The following PSIP1 variants were observed in gnomAD, a reference collection of about 807,000 sequenced individuals.
The protein encoded by PSIP1 is PC4 and SRSF1 interacting protein 1, also known as PC4 and SFRS1-interacting protein.
In PSIP1, 19 loss-of-function variants were observed where a neutral mutation model predicts 74.7. The observed-to-expected ratio is 0.25, with a 90% CI of 0.18 to 0.37. The LOEUF (loss-of-function observed/expected upper bound fraction) is 0.37, where lower values mean the gene tolerates loss of function less well. Ranked by LOEUF, PSIP1 falls within the 10% of genes least tolerant of loss-of-function variation. PSIP1 has a pLI of 1.00. For synonymous variants in PSIP1, 222 were observed against 195.3 expected, an observed-to-expected ratio of 1.14 and a Z score of -1.14; for missense variants, 601 against 614.3, an observed-to-expected ratio of 0.98 and a Z score of 0.23.
rs756615693 is a variant in PSIP1 at position 15,486,056 on chromosome 9, C to T, written c.406G>A (p.Ala136Thr). The T allele has an allele frequency of 6.2e-7, 1 of 1,605,890 alleles. No homozygotes were observed. Among genetic ancestry groups the T allele is most frequent in the Non-Finnish European group, 8.5e-7 (1 of 1,174,640 alleles). The change falls in exon 6 of 16, where the codon GCA becomes ACA. Residue 136 changes from alanine to threonine, a missense_variant. By Grantham distance (58) the Ala-to-Thr change is moderately conservative. Around this residue, in one of 2 missense-constraint regions of PSIP1, gnomAD observed 538 missense variants for 507.6 expected, o/e 1.06. Transcript: ENST00000380733. ...GCTTTTGGAGTAGTTATGTCAACTG[C>T]TTTAGTCACATCCTAAAAAAGAAAA... ...EKASNEDVTK[A>T]VDITTPKAAR...
intron 14 of PSIP1, among the ~76,000 whole-genome samples, chr9:15,467,253 T>C (rs1427787437): frequency 1.3e-5 from 2 of 152,218 alleles, no homozygotes; most frequent in Non-Finnish European, 2.9e-5. Context: ...ATTTTAAAAT[T>C]TACTATTTTA....
Position 15,482,352 on chromosome 9 carries a change from T to G in PSIP1, c.457-2665A>C, listed in dbSNP as rs112359564. Among the ~76,000 whole-genome samples, 17 of 152,292 alleles carry G rather than the reference T, an allele frequency of 1.1e-4. 2 individuals carry two copies. The highest frequency in any genetic ancestry group is 9.6e-4 in the East Asian group (5 of 5,182). On this transcript the variant is annotated intron_variant, in intron 6 of 15. Coordinates refer to ENST00000380733, the MANE Select transcript of PSIP1 (RefSeq NM_033222.5). ...TCTCAGTTGAGATCTCAAAGTCACT[T>G]TACCCTATCTGATCAGGCCTCCTCC...
intron 10 of PSIP1, chr9:15,472,362 T>C: frequency 1.6e-6 from 2 of 1,239,398 alleles, no homozygotes; most frequent in East Asian, 4.2e-5. Context: ...GTACACTTCT[T>C]GCAAAGCCAG....
intron 14 of PSIP1, among the ~76,000 whole-genome samples, chr9:15,467,180 T>C (rs2035675920): frequency 6.6e-6 from 1 of 152,216 alleles, no homozygotes. Context: ...CCAGGAATAC[T>C]ACAGGGTGTT....
chr9:15,477,031 G>A (rs1464505079), intron 8 of PSIP1, among the ~76,000 whole-genome samples: 1 of 152,098 alleles, frequency 6.6e-6, no homozygotes, highest in Non-Finnish European at 1.5e-5. Flanking sequence ...CATACTCCGG[G>A]GGAAAACTGG....
chr9:15,483,210 T>TATA (rs1192577115), intron 6 of PSIP1, among the ~76,000 whole-genome samples: 1 of 152,134 alleles, frequency 6.6e-6, no homozygotes, highest in African/African-American at 2.4e-5. Flanking sequence ...GAACAATATA[T>TATA]ATATCTCTTC....
chr9:15,469,397 A>G, intron 11 of PSIP1, 61 bp from the exon 12 acceptor site: 3 of 1,046,290 alleles, frequency 2.9e-6, no homozygotes, highest in Non-Finnish European at 4.3e-6. Flanking sequence ...ATTTCTATAT[A>G]CAGGCTAAGT....
intron 6 of PSIP1, 111 bp downstream of exon 6, chr9:15,485,895 G>T: frequency 1.1e-6 from 1 of 944,594 alleles, no homozygotes; most frequent in South Asian, 1.8e-5. Flanking sequence ...AAAATTAAAG[G>T]GTTTAGAATA....
intron 4 of PSIP1, 74 bp from the exon 5 acceptor site, chr9:15,487,005 A>ATTT: frequency 2.3e-6 from 2 of 869,360 alleles, no homozygotes; most frequent in Non-Finnish European, 1.6e-6. Flanking sequence ...CTTTATTTTT[A>ATTT]TTTTTTTTTT....
intron 3 of PSIP1, among the ~76,000 whole-genome samples, chr9:15,491,235 T>A (rs1258728229): frequency 6.6e-6 from 1 of 152,210 alleles, no homozygotes. Flanking sequence ...AAGAACACTT[T>A]AGCATTATGC....
chr9:15,465,603 C>G, intron 15 of PSIP1, 23 bp from the exon 16 acceptor site: 1 of 1,528,936 alleles, frequency 6.5e-7, no homozygotes, highest in East Asian at 2.3e-5. Flanking sequence ...GGGAAAGGTA[C>G]AACTGGAATT....
chr9:15,492,479 A>G (rs1318311858), intron 3 of PSIP1, among the ~76,000 whole-genome samples: 1 of 152,202 alleles, frequency 6.6e-6, no homozygotes, highest in Non-Finnish European at 1.5e-5. Context: ...ATGGTTTTGC[A>G]TGGTACACAA....
intron 3 of PSIP1, among the ~76,000 whole-genome samples, chr9:15,493,785 G>C (rs912318227): frequency 1.3e-5 from 2 of 152,148 alleles, no homozygotes; most frequent in Admixed American, 6.5e-5. Flanking sequence ...CACCATAACA[G>C]CATTTGGGAA....
intron 3 of PSIP1, among the ~76,000 whole-genome samples, chr9:15,497,843 TCTA>T (rs1464517789): frequency 1.3e-5 from 2 of 152,172 alleles, no homozygotes; most frequent in African/African-American, 2.4e-5. Flanking sequence ...ACCAACTAAA[TCTA>T]CTGTTTTCAG....
chr9:15,475,168 C>CT (rs1176228929), intron 8 of PSIP1, among the ~76,000 whole-genome samples: 8 of 152,124 alleles, frequency 5.3e-5, no homozygotes, highest in Non-Finnish European at 1.2e-4. Flanking sequence ...CCTTTAGAAA[C>CT]TTTTTATTAT....
intron 2 of PSIP1, among the ~76,000 whole-genome samples, chr9:15,509,657 AT>A (rs906905014): frequency 2.1e-4 from 32 of 152,088 alleles, no homozygotes; most frequent in Non-Finnish European, 2.8e-4. Flanking sequence ...AGTACAAGGT[AT>A]TTTTTTTAAA....
intron 6 of PSIP1, among the ~76,000 whole-genome samples, chr9:15,483,713 C>G (rs1038006216): frequency 3.3e-5 from 5 of 152,140 alleles, no homozygotes; most frequent in Admixed American, 3.3e-4. Flanking sequence ...AATCCAATCC[C>G]CATCGTTCAC....
intron 8 of PSIP1, among the ~76,000 whole-genome samples, chr9:15,475,667 AT>A (rs2036044834): frequency 1.3e-5 from 2 of 152,290 alleles, no homozygotes; most frequent in Middle Eastern, 6.8e-3. Context: ...TTAGGGATTT[AT>A]TTTAAAAATT....
chr9:15,490,682 C>CAAAAAAAA, intron 3 of PSIP1, among the ~76,000 whole-genome samples: 2 of 57,316 alleles, frequency 3.5e-5, no homozygotes, highest in East Asian at 6.6e-4. Flanking sequence ...GACTCTGTCT[C>CAAAAAAAA]AAAAAAAAAA....
Sources: gnomAD v4.1 joint callset for allele counts (sites outside exome capture counted in the v4.1 genomes callset) on GRCh38, gnomAD v4.1.1 for gene constraint, gnomAD v4.1.1 regional missense constraint, MANE v1.5 for transcripts, NCBI Gene and HGNC (gene_info 2026-07-23, HGNC 2026-07-21) for gene names.